Variants in KALRN observed in about 807,000 individuals in gnomAD.
KALRN encodes the protein kalirin.
KALRN carries 70 observed loss-of-function variants against 353.7 expected under a neutral mutation model. The observed-to-expected ratio is 0.20, with a 90% confidence interval of 0.16 to 0.24. The LOEUF (loss-of-function observed/expected upper bound fraction) is 0.24, where lower values mean the gene tolerates loss of function less well. KALRN is among the 10% of genes least tolerant of loss of function. The pLI, the probability that KALRN is intolerant of heterozygous loss-of-function variation, is 1.00. For missense variants in KALRN, 2,791 were observed against 3,756.7 expected (o/e 0.74, Z 6.72); for synonymous variants, 1,391 against 1,434.8 (o/e 0.97, Z 0.69).
intron 1 of KALRN, among the ~76,000 whole-genome samples, chr3:124,124,991 G>C (rs537675946): frequency 1.4e-4 from 21 of 152,250 alleles, no homozygotes; most frequent in African/African-American, 4.8e-4. Context: ...CGTGGGAGAG[G>C]GTTTGCGTTT....
At chr3:124,361,840 G>C (rs1369305533) in intron 10 of KALRN, among the ~76,000 whole-genome samples, 1 of 151,756 alleles carries the variant, frequency 6.6e-6, no homozygotes, top group Non-Finnish European at 1.5e-5. Flanking sequence ...TGGCAGCAGT[G>C]GGGGTGGGGA....
intron 34 of KALRN, among the ~76,000 whole-genome samples, chr3:124,594,670 A>G (rs945633512): frequency 3.3e-5 from 5 of 152,260 alleles, no homozygotes; most frequent in Admixed American, 1.3e-4. Flanking sequence ...AGATCTTTCC[A>G]GGATCAGATT....
intron 33 of KALRN, among the ~76,000 whole-genome samples, chr3:124,522,502 C>G (rs751394594): frequency 6.6e-6 from 1 of 152,060 alleles, no homozygotes; most frequent in African/African-American, 2.4e-5. Flanking sequence ...AAAAAAAAAG[C>G]TTCTCATGGC....
chr3:124,065,409 T>G (rs1173331050), intron 1 of KALRN, among the ~76,000 whole-genome samples: 1 of 152,120 alleles, frequency 6.6e-6, no homozygotes, highest in East Asian at 1.9e-4. Context: ...GTTAATTTTG[T>G]TAGGTGTGGT....
intron 1 of KALRN, among the ~76,000 whole-genome samples, chr3:124,079,216 C>T (rs915903672): frequency 2.0e-5 from 3 of 152,020 alleles, no homozygotes; most frequent in Non-Finnish European, 4.4e-5. Flanking sequence ...CAAGGACAGA[C>T]GTGGGGATGA....
At chr3:124,307,560 A>G (rs2077825696) in intron 6 of KALRN, among the ~76,000 whole-genome samples, 1 of 109,980 alleles carries the variant, frequency 9.1e-6, no homozygotes, top group African/African-American at 3.1e-5. Flanking sequence ...AATGTACAGT[A>G]GAAGCTGATT....
intron 33 of KALRN, among the ~76,000 whole-genome samples, chr3:124,512,713 G>A (rs865807268): frequency 8.6e-5 from 13 of 151,922 alleles, no homozygotes; most frequent in African/African-American, 1.5e-4. Context: ...GAATATGTAT[G>A]TGCACATGTG....
At chr3:124,224,784 A>G (rs2078297114) in intron 1 of KALRN, among the ~76,000 whole-genome samples, 1 of 152,166 alleles carries the variant, frequency 6.6e-6, no homozygotes, top group Admixed American at 6.5e-5. Flanking sequence ...TTTAAAGCAT[A>G]TTGATCTGAT....
chr3:124,469,626 C>T (rs921284018), intron 25 of KALRN, among the ~76,000 whole-genome samples: 8 of 152,168 alleles, frequency 5.3e-5, no homozygotes, highest in Non-Finnish European at 1.2e-4. Context: ...TCCTGGACTT[C>T]CTATAAATAC....
In KALRN at chr3:124,717,322, C is replaced by T. The variant is rs1184093969; in HGVS notation, c.8352C>T (p.Ile2784=). Residue 2784 remains isoleucine, a synonymous_variant, in exon 59 of 60, where the codon ATC becomes ATT. Transcript: ENST00000682506. ...ELMEEKVAFY[I]RDIMEALQYL... is the part of the protein sequence containing the mutation. ...TGGAGGAAAAAGTAGCTTTCTATATCCGAGACATCATGGAGGCTCTGCAGT... is the reference window on the plus strand; with the variant it reads ...TGGAGGAAAAAGTAGCTTTCTATATTCGAGACATCATGGAGGCTCTGCAGT... 1 of 1,612,642 alleles carries T rather than the reference C, an allele frequency of 6.2e-7. No homozygotes were observed. Among genetic ancestry groups the T allele is most frequent in the Admixed American group, 1.7e-5 (1 of 59,842 alleles).
At chr3:124,123,943 T>G (rs1386003499) in intron 1 of KALRN, among the ~76,000 whole-genome samples, 1 of 152,232 alleles carries the variant, frequency 6.6e-6, no homozygotes. Flanking sequence ...ACCCCAGAGC[T>G]CTGATGGAGA....
chr3:124,230,657 C>T (rs148302188), intron 2 of KALRN, among the ~76,000 whole-genome samples: 169 of 152,128 alleles, frequency 1.1e-3, no homozygotes, highest in African/African-American at 3.8e-3. Context: ...AGCTCTCCCC[C>T]ATTTGCCAGC....
chr3:124,372,183 T>C (rs1560717689), intron 10 of KALRN, among the ~76,000 whole-genome samples: 1 of 152,262 alleles, frequency 6.6e-6, no homozygotes, highest in South Asian at 2.1e-4. Context: ...ATTTTCTTCA[T>C]TGGAGTAATT....
rs76937610 is a variant in KALRN at position 124,231,075 on chromosome 3, A to G, written c.148+3011A>G. Among the ~76,000 whole-genome samples, 1,085 of 152,328 alleles carry G rather than the reference A, an allele frequency of 7.1e-3. 32 individuals carry two copies. In the East Asian group the frequency reaches 0.11, roughly 15 times the overall value. On this transcript the variant is annotated intron_variant, in intron 2 of 59. Coordinates refer to ENST00000682506, the MANE Select transcript of KALRN (RefSeq NM_001388419.1). Reference sequence around the variant, plus strand: ...TTAATTGAGCCTGCCCTCCTCTGCTAGCGCCCAGCCTTGGCCAGGCAAAAG... The same window carrying G: ...TTAATTGAGCCTGCCCTCCTCTGCTGGCGCCCAGCCTTGGCCAGGCAAAAG...
chr3:124,473,325 T>G (rs1460452263), intron 25 of KALRN, among the ~76,000 whole-genome samples: 1 of 152,212 alleles, frequency 6.6e-6, no homozygotes, highest in African/African-American at 2.4e-5. Context: ...TCGTGTATCC[T>G]TTAATTCAAT....
intron 34 of KALRN, among the ~76,000 whole-genome samples, chr3:124,606,460 C>T (rs1217075316): frequency 5.9e-5 from 9 of 152,186 alleles, no homozygotes; most frequent in Admixed American, 1.3e-4. Context: ...AAGGCTTCTT[C>T]TTAATCCTTT....
intron 55 of KALRN, among the ~76,000 whole-genome samples, chr3:124,699,017 G>T (rs1416403711): frequency 6.6e-6 from 1 of 152,136 alleles, no homozygotes; most frequent in Admixed American, 6.5e-5. Flanking sequence ...GCAAGTGCTT[G>T]CTACCCTATC....
chr3:124,050,803 T>C (rs575315916), intron 1 of KALRN, among the ~76,000 whole-genome samples: 9 of 152,286 alleles, frequency 5.9e-5, no homozygotes, highest in South Asian at 4.1e-4. Context: ...AATATGTTAG[T>C]GGGAGCTTGA....
chr3:124,161,793 T>G (rs1041043454), intron 1 of KALRN, among the ~76,000 whole-genome samples: 4 of 152,220 alleles, frequency 2.6e-5, no homozygotes, highest in African/African-American at 7.2e-5. Context: ...AAGGTGTTTT[T>G]GAAGATCAGA....
Sources: allele counts gnomAD v4.1 joint callset (sites outside exome capture counted in the v4.1 genomes callset), GRCh38; gene constraint gnomAD v4.1.1; transcripts MANE v1.5; gene names NCBI Gene and HGNC (gene_info 2026-07-23, HGNC 2026-07-21).